The following DNM3 variants were observed in gnomAD, a reference collection of about 807,000 sequenced individuals.
DNM3 encodes the protein dynamin-3.
In DNM3, 47 loss-of-function variants were observed where a neutral mutation model predicts 101.6. That is an observed-to-expected ratio of 0.46 (90% CI 0.37 to 0.59). The LOEUF is 0.59. Ranked by LOEUF, DNM3 falls within the 20% of genes least tolerant of loss-of-function variation. DNM3 has a pLI of 0.00. For synonymous variants in DNM3, 385 were observed against 387.9 expected (o/e 0.99, Z 0.09); for missense variants, 849 against 1,085.7 (o/e 0.78, Z 3.06).
intron 2 of DNM3, among the ~76,000 whole-genome samples, chr1:171,955,533 T>C (rs533810589): frequency 6.6e-6 from 1 of 152,268 alleles, no homozygotes; most frequent in South Asian, 2.1e-4. Context: ...GTCAATAAAA[T>C]GATAAAGCTA....
chr1:172,103,188 A>T (rs573058655), intron 13 of DNM3, among the ~76,000 whole-genome samples: 13 of 152,312 alleles, frequency 8.5e-5, no homozygotes, highest in African/African-American at 2.9e-4. Context: ...ATATACACAC[A>T]CAAGCACATG....
At chr1:172,226,544 T>TC (rs1365706680) in intron 14 of DNM3, among the ~76,000 whole-genome samples, 2 of 152,186 alleles carry the variant, frequency 1.3e-5, no homozygotes, top group Admixed American at 6.6e-5. Context: ...TGGAGCCTGC[T>TC]CCCTGCCACC....
At chr1:172,115,426 G>A (rs184838709) in intron 13 of DNM3, among the ~76,000 whole-genome samples, 367 of 152,234 alleles carry the variant, frequency 2.4e-3, no homozygotes, top group Non-Finnish European at 3.6e-3. Flanking sequence ...CAGCCAGAAA[G>A]CATTCTTTAA....
chr1:172,190,726 T>C (rs1336267363), intron 14 of DNM3, among the ~76,000 whole-genome samples: 2 of 152,198 alleles, frequency 1.3e-5, no homozygotes, highest in Admixed American at 6.5e-5. Flanking sequence ...TGTGAGATGG[T>C]ATCTCATTGT....
intron 14 of DNM3, among the ~76,000 whole-genome samples, chr1:172,194,360 G>A (rs558359302): frequency 6.6e-6 from 1 of 152,188 alleles, no homozygotes; most frequent in South Asian, 2.1e-4. Context: ...GGAGAGTCCT[G>A]TAGATGTCTA....
intron 14 of DNM3, among the ~76,000 whole-genome samples, chr1:172,163,604 A>C (rs562981369): frequency 6.6e-6 from 1 of 151,980 alleles, no homozygotes; most frequent in Admixed American, 6.6e-5. Flanking sequence ...TGTATTACTG[A>C]AAGTTTGTAC....
In DNM3 at chr1:172,410,909, T is replaced by G; in HGVS notation, c.*3068T>G. On this transcript the variant is annotated 3_prime_UTR_variant, in exon 21 of 21. Coordinates refer to ENST00000627582, the MANE Select transcript of DNM3 (RefSeq NM_015569.5). ...AATACCAGTATGTGATAAATGTTGA[T>G]GTTTTCTGTGTACAAACACATTTTC... The G allele has an allele frequency of 1.0e-6, 1 of 985,292 alleles. No homozygotes were observed. Among genetic ancestry groups the G allele is most frequent in the Non-Finnish European group, 1.2e-6 (1 of 829,822 alleles). 61.0% of individuals were successfully genotyped at this position (985,292 alleles called of 1,614,324 possible).
At chr1:171,991,294 A>T (rs1156383834) in intron 4 of DNM3, among the ~76,000 whole-genome samples, 1 of 152,126 alleles carries the variant, frequency 6.6e-6, no homozygotes, top group African/African-American at 2.4e-5. Context: ...GTTCAGTCCC[A>T]CAAGATGACC....
intron 10 of DNM3, among the ~76,000 whole-genome samples, chr1:172,065,302 C>T (rs989073211): frequency 7.9e-5 from 12 of 152,144 alleles, no homozygotes; most frequent in African/African-American, 2.7e-4. Flanking sequence ...ACCTCAAATG[C>T]TTGCGTAGTT....
intron 1 of DNM3, among the ~76,000 whole-genome samples, chr1:171,874,821 C>T (rs1471223019): frequency 6.6e-6 from 1 of 151,054 alleles, no homozygotes; most frequent in Non-Finnish European, 1.5e-5. Flanking sequence ...CTTCTCCCTT[C>T]CTTTACTTCC....
At chr1:172,161,287 C>G (rs988994026) in intron 14 of DNM3, among the ~76,000 whole-genome samples, 4 of 151,470 alleles carry the variant, frequency 2.6e-5, no homozygotes, top group African/African-American at 9.7e-5. Flanking sequence ...GAAAGCAGTT[C>G]AGGAGGAACA....
In DNM3 at chr1:172,065,553, A is replaced by G. The variant is rs73039323; in HGVS notation, c.1336-3266A>G. Among the ~76,000 whole-genome samples the G allele has an allele frequency of 4.5e-3, 693 of 152,324 alleles. 6 individuals are homozygous for G. The highest frequency in any genetic ancestry group is 0.015 in the African/African-American group (623 of 41,574). On this transcript the variant is annotated intron_variant, in intron 10 of 20. Transcript: ENST00000627582. ...AACTTGGAGGACTTTCAGAGAGTCA[A>G]GAGGGGTTCTGGTATAATAGAGCTT...
chr1:172,321,022 C>T (rs1307989937), intron 16 of DNM3, among the ~76,000 whole-genome samples: 1 of 152,176 alleles, frequency 6.6e-6, no homozygotes, highest in Non-Finnish European at 1.5e-5. Flanking sequence ...GGAAGTGAAT[C>T]ACCCTGGAAC....
intron 4 of DNM3, among the ~76,000 whole-genome samples, chr1:172,002,554 G>A (rs1330749397): frequency 6.6e-6 from 1 of 152,070 alleles, no homozygotes; most frequent in Non-Finnish European, 1.5e-5. Flanking sequence ...AAATGGGCTT[G>A]CCCAAGTATA....
In DNM3 at chr1:172,399,774, A is replaced by T. The variant is rs184124061; in HGVS notation, c.2523-7998A>T. 2.0e-5 allele frequency: 3 copies of T among 152,276 alleles called. No homozygotes were observed. In the East Asian group the frequency reaches 5.8e-4, roughly 29 times the overall value. The allele number at this position is 152,276 out of a possible 1,614,324, so 9.4% of individuals were successfully genotyped here. A position where few individuals can be genotyped will look rare whatever the true frequency, so the allele number is the denominator to read the frequency against. On this transcript the variant is annotated intron_variant, in intron 20 of 20. Transcript: ENST00000627582. The stretch of plus-strand genomic sequence containing the variant: ...TTTCTTCATATTTACCACCTGGGCT[A>T]ATAGAAGTGACAGAAGCCTATCATG...
chr1:172,386,255 A>ATT (rs66642613), intron 18 of DNM3, among the ~76,000 whole-genome samples: 9 of 150,718 alleles, frequency 6.0e-5, no homozygotes, highest in African/African-American at 1.2e-4. Flanking sequence ...GATTGATGGT[A>ATT]TTTTTTTTTT....
intron 13 of DNM3, among the ~76,000 whole-genome samples, chr1:172,113,953 A>G (rs17346473): frequency 0.2 from 30,457 of 152,094 alleles, 3,757 homozygotes; most frequent in Non-Finnish European, 0.28. Context: ...TTTCCTATGT[A>G]TTGAATCGAT....
At chr1:172,105,224 A>T (rs1012548379) in intron 13 of DNM3, among the ~76,000 whole-genome samples, 14 of 152,238 alleles carry the variant, frequency 9.2e-5, no homozygotes, top group African/African-American at 3.1e-4. Context: ...ACATTCCTTT[A>T]AAGTTTACTC....
At chr1:172,066,446 T>C (rs1364595183) in intron 10 of DNM3, among the ~76,000 whole-genome samples, 1 of 152,154 alleles carries the variant, frequency 6.6e-6, no homozygotes, top group Non-Finnish European at 1.5e-5. Flanking sequence ...TGTGGTAGCA[T>C]GCTAGCTCAG....
Sources: gnomAD v4.1 joint callset for allele counts (sites outside exome capture counted in the v4.1 genomes callset) on GRCh38, gnomAD v4.1.1 for gene constraint, MANE v1.5 for transcripts, NCBI Gene and HGNC (gene_info 2026-07-23, HGNC 2026-07-21) for gene names.